The following PDE6D variants were observed in gnomAD, a reference collection of about 807,000 sequenced individuals.
PDE6D encodes retinal rod rhodopsin-sensitive cGMP 3',5'-cyclic phosphodiesterase subunit delta.
A neutral mutation model predicts 21.9 loss-of-function variants in PDE6D; 10 were observed. That is an observed-to-expected ratio of 0.46 (90% CI 0.28 to 0.78). The LOEUF (loss-of-function observed/expected upper bound fraction) is 0.78, where lower values mean the gene tolerates loss of function less well. PDE6D is among the 30% of genes least tolerant of loss of function. PDE6D has a pLI of 0.12. For missense variants in PDE6D, 139 were observed against 184.8 expected, an observed-to-expected ratio of 0.75 and a Z score of 1.44; for synonymous variants, 59 against 63.5, an observed-to-expected ratio of 0.93 and a Z score of 0.34.
At chr2:231,763,167 T>G (rs1378072783) in intron 1 of PDE6D, among the ~76,000 whole-genome samples, 1 of 152,188 alleles carries the variant, frequency 6.6e-6, no homozygotes, top group Non-Finnish European at 1.5e-5. Context: ...AACTATATTT[T>G]GCAGAAATTC....
At chr2:231,775,657 C>T (rs2049050446) in intron 1 of PDE6D, among the ~76,000 whole-genome samples, 1 of 152,074 alleles carries the variant, frequency 6.6e-6, no homozygotes, top group Non-Finnish European at 1.5e-5. Flanking sequence ...TGAGCATGTC[C>T]TCATTTATTC....
intron 1 of PDE6D, among the ~76,000 whole-genome samples, chr2:231,774,065 C>G (rs1313268482): frequency 6.6e-6 from 1 of 151,980 alleles, no homozygotes; most frequent in Non-Finnish European, 1.5e-5. Context: ...TCCCGAGTAG[C>G]TGGGATTACA....
intron 1 of PDE6D, among the ~76,000 whole-genome samples, chr2:231,751,039 A>C (rs2048835673): frequency 6.6e-6 from 1 of 152,162 alleles, no homozygotes; most frequent in African/African-American, 2.4e-5. Flanking sequence ...TTACCAATCT[A>C]GGGATGGAAA....
intron 1 of PDE6D, among the ~76,000 whole-genome samples, chr2:231,754,960 C>T (rs1007127371): frequency 2.6e-5 from 4 of 152,122 alleles, no homozygotes; most frequent in Non-Finnish European, 5.9e-5. Context: ...GAAATCCTAA[C>T]CCCCAATGTG....
chr2:231,743,128 A>T (rs960270590), intron 1 of PDE6D, among the ~76,000 whole-genome samples: 11 of 152,152 alleles, frequency 7.2e-5, no homozygotes, highest in African/African-American at 2.7e-4. Flanking sequence ...TTTTGCTGCT[A>T]TACGAGAAAA....
rs1445462683 is a variant in PDE6D, at chr2:231,739,616, T to G, written c.51-428A>C. On this transcript the variant is annotated intron_variant, in intron 1 of 4. Transcript: ENST00000287600. The surrounding 1 kb of genome is among the most constrained non-coding windows in gnomAD (Gnocchi z 4.2). ...ACCCACAAGCACAGAACTCTCAAAT[T>G]GCTTTGTAGTGGCCCCCTCTGTTTT... Among the ~76,000 whole-genome samples, 1 of 149,336 alleles carries G rather than the reference T, an allele frequency of 6.7e-6. No individual in the cohort carries two copies. The highest frequency in any genetic ancestry group is 1.5e-5 in the Non-Finnish European group (1 of 67,618).
intron 1 of PDE6D, among the ~76,000 whole-genome samples, chr2:231,746,812 T>A (rs1287889897): frequency 1.3e-5 from 2 of 151,638 alleles, no homozygotes; most frequent in Admixed American, 6.6e-5. Flanking sequence ...AAAAAAAGAC[T>A]GAGAAAAAAC....
At chr2:231,766,737 T>C (rs2048973760) in intron 1 of PDE6D, among the ~76,000 whole-genome samples, 1 of 152,114 alleles carries the variant, frequency 6.6e-6, no homozygotes. Flanking sequence ...TCATGCCTAT[T>C]ATCCCAGTAC....
Position 231,738,110 on chromosome 2 carries a change from G to A in PDE6D, c.168C>T (p.Cys56=), listed in dbSNP as rs761958611. 1 of 1,612,966 alleles carries A rather than the reference G, an allele frequency of 6.2e-7. No individual in the cohort carries two copies. Among genetic ancestry groups the A allele is most frequent in the Non-Finnish European group, 8.5e-7 (1 of 1,179,492 alleles). ...EARVPKKILK[C]KAVSRELNFS... ...AATTAAGTTCTCGAGACACTGCCTT[G>A]CACTTGAGGATTTTCTTGGGAACAC... Residue 56 remains cysteine, a synonymous_variant, in exon 3 of 5, where the codon TGC becomes TGT. Transcript: ENST00000287600.
chr2:231,745,216 A>C (rs985402982), intron 1 of PDE6D, among the ~76,000 whole-genome samples: 2 of 152,124 alleles, frequency 1.3e-5, no homozygotes, highest in African/African-American at 4.8e-5. Context: ...GAGCCAAAAC[A>C]AAAACAAAAA....
At chr2:231,737,345 A>G in intron 3 of PDE6D, 53 bp from the exon 4 acceptor site, 2 of 943,158 alleles carry the variant, frequency 2.1e-6, no homozygotes, top group Non-Finnish European at 1.7e-6. Context: ...ATAAAGTTTA[A>G]GGGCTCTTTG....
chr2:231,766,908 G>A (rs2106282747), intron 1 of PDE6D, among the ~76,000 whole-genome samples: 1 of 151,128 alleles, frequency 6.6e-6, no homozygotes, highest in Non-Finnish European at 1.5e-5. Flanking sequence ...TACTCGGGAT[G>A]GCTGGAATCC....
intron 1 of PDE6D, among the ~76,000 whole-genome samples, chr2:231,747,986 G>A (rs918730537): frequency 2.6e-5 from 4 of 152,214 alleles, no homozygotes; most frequent in Non-Finnish European, 5.9e-5. Context: ...ATGTGGAACT[G>A]TAAGTCCAAT....
intron 1 of PDE6D, among the ~76,000 whole-genome samples, chr2:231,742,104 T>G (rs2048754152): frequency 6.6e-6 from 1 of 152,074 alleles, no homozygotes; most frequent in African/African-American, 2.4e-5. Flanking sequence ...TGCTCTTCAT[T>G]AGAAACTAGA....
chr2:231,762,405 T>C (rs1043033648), intron 1 of PDE6D, among the ~76,000 whole-genome samples: 1 of 144,820 alleles, frequency 6.9e-6, no homozygotes, highest in Middle Eastern at 3.8e-3. Flanking sequence ...AGTGCAGTAG[T>C]GCGATCTCAG....
intron 1 of PDE6D, among the ~76,000 whole-genome samples, chr2:231,758,444 C>T (rs2048900686): frequency 1.3e-5 from 2 of 152,074 alleles, no homozygotes; most frequent in South Asian, 4.1e-4. Flanking sequence ...GCCACATCAA[C>T]TTATATATAC....
intron 1 of PDE6D, among the ~76,000 whole-genome samples, chr2:231,755,632 A>C (rs945857830): frequency 6.6e-6 from 1 of 152,182 alleles, no homozygotes. Flanking sequence ...TCTCTAAAAA[A>C]AAAGTTGGCT....
intron 1 of PDE6D, among the ~76,000 whole-genome samples, chr2:231,771,062 G>C (rs902227398): frequency 6.6e-5 from 10 of 151,780 alleles, no homozygotes; most frequent in Non-Finnish European, 1.3e-4. Context: ...GGAGGTTAAG[G>C]CTGCAGTGAG....
chr2:231,780,967 T>C, intron 1 of PDE6D, 98 bp downstream of exon 1: 2 of 1,097,660 alleles, frequency 1.8e-6, no homozygotes, highest in Admixed American at 3.8e-5. Context: ...CCTTCTTCTG[T>C]GGGGCCCACC....
Sources: gnomAD v4.1 joint callset for allele counts (sites outside exome capture counted in the v4.1 genomes callset) on GRCh38, gnomAD v4.1.1 for gene constraint, Gnocchi (gnomAD v3.1) non-coding constraint, MANE v1.5 for transcripts, NCBI Gene and HGNC (gene_info 2026-07-23, HGNC 2026-07-21) for gene names.